RIMS2: variants seen among roughly 807,000 people sequenced by gnomAD.
The protein encoded by RIMS2 is regulating synaptic membrane exocytosis protein 2.
A neutral mutation model predicts 174.4 loss-of-function variants in RIMS2; 59 were observed. The observed-to-expected ratio is 0.34, with a 90% CI of 0.27 to 0.42. The LOEUF is 0.42. Ranked by LOEUF, RIMS2 falls within the 10% of genes least tolerant of loss-of-function variation. RIMS2 has a pLI of 1.00. For synonymous variants in RIMS2, 606 were observed against 572.5 expected, an observed-to-expected ratio of 1.06 and a Z score of -0.84; for missense variants, 1,620 against 1,666.3, an observed-to-expected ratio of 0.97 and a Z score of 0.48.
At chr8:103,827,591 C>G (rs2098799326) in intron 3 of RIMS2, among the ~76,000 whole-genome samples, 5 of 152,168 alleles carry the variant, frequency 3.3e-5, no homozygotes, top group Admixed American at 2.6e-4. Context: ...GATCCCAGCA[C>G]TTTGAGAGGC....
At chr8:103,793,835 A>G (rs200091927) in intron 3 of RIMS2, among the ~76,000 whole-genome samples, 5 of 152,130 alleles carry the variant, frequency 3.3e-5, no homozygotes, top group African/African-American at 7.2e-5. Context: ...ATTCATAATT[A>G]CTACAAAGAG....
At chr8:103,926,513 C>T (rs187693994) in intron 10 of RIMS2, among the ~76,000 whole-genome samples, 14 of 151,642 alleles carry the variant, frequency 9.2e-5, no homozygotes, top group Admixed American at 7.9e-4. Context: ...GACTGAATGA[C>T]AGTCTGCTTT....
intron 3 of RIMS2, among the ~76,000 whole-genome samples, chr8:103,845,957 A>T (rs893906781): frequency 3.3e-5 from 5 of 152,144 alleles, no homozygotes; most frequent in African/African-American, 1.2e-4. Flanking sequence ...CGTAATACTT[A>T]CTGGTGACCT....
chr8:104,069,307 T>G (rs1233058026), intron 19 of RIMS2, among the ~76,000 whole-genome samples: 3 of 152,136 alleles, frequency 2.0e-5, no homozygotes, highest in African/African-American at 7.2e-5. Flanking sequence ...CATTGGGACA[T>G]AAGCCCGTCA....
chr8:103,550,299 A>G (rs1332174376), intron 1 of RIMS2, among the ~76,000 whole-genome samples: 1 of 152,200 alleles, frequency 6.6e-6, no homozygotes, highest in Non-Finnish European at 1.5e-5. Flanking sequence ...AGGATTAAGA[A>G]ACTCACTCAA....
chr8:104,246,018 G>C (rs1563979730), intron 20 of RIMS2, among the ~76,000 whole-genome samples: 1 of 152,158 alleles, frequency 6.6e-6, no homozygotes, highest in African/African-American at 2.4e-5. Context: ...TAAAAAGAGA[G>C]GGAAAATCAA....
chr8:103,854,592 C>G (rs1364754640), intron 3 of RIMS2, among the ~76,000 whole-genome samples: 2 of 151,486 alleles, frequency 1.3e-5, no homozygotes, highest in Non-Finnish European at 2.9e-5. Flanking sequence ...TGGATTTCAT[C>G]AAAAGCTTTC....
At chr8:103,921,464 G>A (rs952591050) in intron 9 of RIMS2, among the ~76,000 whole-genome samples, 1 of 152,124 alleles carries the variant, frequency 6.6e-6, no homozygotes. Context: ...ATGGTTCACT[G>A]TTAGTCTTAA....
intron 3 of RIMS2, among the ~76,000 whole-genome samples, chr8:103,884,179 G>T (rs1212121076): frequency 6.6e-6 from 1 of 151,764 alleles, no homozygotes; most frequent in African/African-American, 2.4e-5. Context: ...ATTTTGCCAG[G>T]TTGGGTCATT....
chr8:103,743,920 T>A (rs1790447079), intron 2 of RIMS2, among the ~76,000 whole-genome samples: 1 of 152,238 alleles, frequency 6.6e-6, no homozygotes, highest in African/African-American at 2.4e-5. Context: ...TCAAATGATT[T>A]TTTTCTCCTT....
chr8:103,555,898 G>T (rs1850241850), intron 1 of RIMS2, among the ~76,000 whole-genome samples: 1 of 152,044 alleles, frequency 6.6e-6, no homozygotes, highest in African/African-American at 2.4e-5. Context: ...CAACGTGAAT[G>T]ATCTCAGAGG....
chr8:103,813,222 G>A (rs574248594), intron 3 of RIMS2, among the ~76,000 whole-genome samples: 25 of 152,218 alleles, frequency 1.6e-4, no homozygotes, highest in Middle Eastern at 3.4e-3. Context: ...GAATTATCAT[G>A]GCTTATCAGG....
chr8:103,552,312 G>T (rs1033576452), intron 1 of RIMS2, among the ~76,000 whole-genome samples: 1 of 152,122 alleles, frequency 6.6e-6, no homozygotes, highest in East Asian at 1.9e-4. Flanking sequence ...ACAACCATCT[G>T]ATCTTTGACA....
intron 1 of RIMS2, among the ~76,000 whole-genome samples, chr8:103,613,668 C>A (rs2388723): frequency 6.6e-6 from 1 of 152,042 alleles, no homozygotes; most frequent in Admixed American, 6.6e-5. Context: ...ATAGTCAGTG[C>A]GTCTCAGACC....
intron 3 of RIMS2, among the ~76,000 whole-genome samples, chr8:103,804,066 A>T (rs1345609718): frequency 6.6e-6 from 1 of 152,188 alleles, no homozygotes; most frequent in African/African-American, 2.4e-5. Flanking sequence ...AAATATGGTT[A>T]TTTGTTTTGC....
intron 1 of RIMS2, among the ~76,000 whole-genome samples, chr8:103,540,375 C>T (rs1183963002): frequency 6.6e-6 from 1 of 152,342 alleles, no homozygotes; most frequent in South Asian, 2.1e-4. Flanking sequence ...ATGTTGGCCG[C>T]TGAGGATCCT....
intron 19 of RIMS2, among the ~76,000 whole-genome samples, chr8:104,049,760 G>T (rs1259939277): frequency 1.3e-5 from 2 of 151,918 alleles, no homozygotes; most frequent in Admixed American, 1.3e-4. Flanking sequence ...TTTCAAAAAA[G>T]GAAAACACAC....
chr8:103,912,139 A>G (rs563974088), exon 6 of RIMS2: 1 of 1,607,804 alleles, frequency 6.2e-7, no homozygotes, highest in South Asian at 1.1e-5. Context: ...ATGGAAGTGT[A>G]CCTCGAGATT....
At chr8:103,918,589 C>A (rs763930693) in intron 9 of RIMS2, 102 bp downstream of exon 12, 5 of 844,996 alleles carry the variant, frequency 5.9e-6, no homozygotes, top group African/African-American at 1.7e-5. Flanking sequence ...AATATGATAA[C>A]CTTGTTATCA....
Sources: allele counts gnomAD v4.1 joint callset (sites outside exome capture counted in the v4.1 genomes callset), GRCh38; gene constraint gnomAD v4.1.1; transcripts MANE v1.5; gene names NCBI Gene and HGNC (gene_info 2026-07-23, HGNC 2026-07-21).